Variants in DDIT4L observed in about 807,000 individuals in gnomAD.
DDIT4L encodes the protein DNA damage inducible transcript 4 like.
A neutral mutation model predicts 15.9 loss-of-function variants in DDIT4L; 13 were observed. The ratio of observed to expected loss-of-function variants is 0.82; its 90% CI spans 0.53 to 1.30. The LOEUF is 1.30. Ranked by LOEUF, DDIT4L falls within the 50% of genes most tolerant of loss-of-function variation. The pLI is 0.00. For missense variants in DDIT4L, 235 were observed against 224.8 expected, an observed-to-expected ratio of 1.05 and a Z score of -0.29; for synonymous variants, 82 against 85.4, an observed-to-expected ratio of 0.96 and a Z score of 0.22.
Position 100,189,895 on chromosome 4 carries a change from C to G in DDIT4L, c.89G>C (p.Ser30Thr). ...GGGTGGACAGCGGGGACACTCACCACTTAGCAGGCTCTCTGGGTGATAGCC... is the reference window on the plus strand; with the variant it reads ...GGGTGGACAGCGGGGACACTCACCAGTTAGCAGGCTCTCTGGGTGATAGCC... ...DCGYHPESLL[S>T]DFDYWDYVVP... The change falls in exon 2 of 3, where the codon AGT becomes ACT. Residue 30 changes from serine (S) to threonine (T), a missense_variant and splice_region_variant. Ser to Thr is a moderately conservative substitution (Grantham distance 58). Transcript: ENST00000273990. 6.2e-7 allele frequency: 1 copy of G among 1,614,038 alleles called. No homozygotes were observed. Among genetic ancestry groups the G allele is most frequent in the South Asian group, 1.1e-5 (1 of 91,070 alleles).
rs536645144 is a variant in DDIT4L at position 100,189,043 on chromosome 4, TCTAAGCCTACTCCA to T, written c.91+836_91+849del. On this transcript the variant is annotated intron_variant, in intron 2 of 2. Coordinates refer to ENST00000273990, the MANE Select transcript of DDIT4L (RefSeq NM_145244.4). ...GGCAGATGCCCTCCCAGCTCCTCTC[TCTAAGCCTACTCCA>T]CCTTCATCAGCCACTGGCTTTTCCT... Among the ~76,000 whole-genome samples, 377 of 152,382 alleles carry T rather than the reference TCTAAGCCTACTCCA, an allele frequency of 2.5e-3. 1 individual carries two copies. Among genetic ancestry groups the T allele is most frequent in the Non-Finnish European group, 2.7e-3 (187 of 68,034 alleles).
chr4:100,188,357 T>C (rs192329424), intron 2 of DDIT4L, among the ~76,000 whole-genome samples, 190 bp from the exon 3 acceptor site: 2 of 152,338 alleles, frequency 1.3e-5, no homozygotes, highest in Admixed American at 6.5e-5. Context: ...TAAGCTCTCA[T>C]GAATGAAAGT....
At position 100,188,276 on chromosome 4, in the gene DDIT4L, T is replaced by C. The variant is rs539613273; in HGVS notation, c.92-109A>G. ...ACCTCTATCTACCATGTCTGCCTTT[T>C]TCTTGTATTTGTTTCAGAGTCAGCT... On this transcript the variant is annotated intron_variant, in intron 2 of 2. Coordinates refer to ENST00000273990, the MANE Select transcript of DDIT4L (RefSeq NM_145244.4). 4 of 1,205,068 alleles carry C rather than the reference T, an allele frequency of 3.3e-6. No individual in the cohort carries two copies. In the South Asian group the frequency reaches 4.4e-5, roughly 13 times the overall value. The allele number at this position is 1,205,068 out of a possible 1,614,324, so 74.6% of individuals were successfully genotyped here. A position where few individuals can be genotyped will look rare whatever the true frequency, so the allele number is the denominator to read the frequency against.
intron 2 of DDIT4L, among the ~76,000 whole-genome samples, chr4:100,189,155 A>C (rs1183855096): frequency 1.3e-5 from 2 of 152,218 alleles, no homozygotes; most frequent in African/African-American, 4.8e-5. Flanking sequence ...AAAGGAGAAA[A>C]ACACGAAGAG....
intron 2 of DDIT4L, 90 bp downstream of exon 2, chr4:100,189,803 G>T: frequency 8.3e-7 from 1 of 1,202,368 alleles, no homozygotes; most frequent in Non-Finnish European, 1.2e-6. Flanking sequence ...CTACATAGAG[G>T]TAGGGGAGGA....
At position 100,186,269 on chromosome 4, in the gene DDIT4L, T is replaced by A. The variant is rs1560554701; in HGVS notation, c.*1408A>T. ...GTCACTTATAGTATCAGTAACAGGA[T>A]CACACCTGTTTTTCAGTAACACCAG... On this transcript the variant is annotated 3_prime_UTR_variant, in exon 3 of 3. Transcript: ENST00000273990. The A allele has an allele frequency of 6.6e-6, 1 of 152,190 alleles. No individual in the cohort carries two copies. Among genetic ancestry groups the A allele is most frequent in the Non-Finnish European group, 1.5e-5 (1 of 68,026 alleles). 9.4% of individuals were successfully genotyped at this position (152,190 alleles called of 1,614,324 possible). A position where few individuals can be genotyped will look rare whatever the true frequency, so the allele number is the denominator to read the frequency against.
Position 100,187,596 on chromosome 4 carries a change from G to A in DDIT4L, c.*81C>T. The A allele has an allele frequency of 6.8e-7, 1 of 1,463,748 alleles. No homozygotes were observed. Among genetic ancestry groups the A allele is most frequent in the South Asian group, 1.5e-5 (1 of 68,206 alleles). The allele number at this position is 1,463,748 out of a possible 1,614,324, so 90.7% of individuals were successfully genotyped here. On this transcript the variant is annotated 3_prime_UTR_variant, in exon 3 of 3. Transcript: ENST00000273990. ...GGGTTTCTTATTTAGGGCAGGTGGGGCAAACTACAAATGACTTTAGCTGAC... is the reference window on the plus strand; with the variant it reads ...GGGTTTCTTATTTAGGGCAGGTGGGACAAACTACAAATGACTTTAGCTGAC...
At chr4:100,188,600 A>G (rs1351489196) in intron 2 of DDIT4L, among the ~76,000 whole-genome samples, 2 of 152,202 alleles carry the variant, frequency 1.3e-5, no homozygotes, top group Non-Finnish European at 2.9e-5. Context: ...ATAAAAAGTT[A>G]TAACTTTGTT....
At chr4:100,188,374 A>G (rs1723459097) in intron 2 of DDIT4L, among the ~76,000 whole-genome samples, 3 of 152,248 alleles carry the variant, frequency 2.0e-5, no homozygotes, top group South Asian at 4.1e-4. Flanking sequence ...AAGTTCATGT[A>G]TGAAATAAAG....
In DDIT4L at chr4:100,187,530, G is replaced by T; in HGVS notation, c.*147C>A. 2 of 870,860 alleles carry T rather than the reference G, an allele frequency of 2.3e-6. No homozygotes were observed. Among genetic ancestry groups the T allele is most frequent in the South Asian group, 2.3e-5 (1 of 43,292 alleles). The allele number at this position is 870,860 out of a possible 1,614,324, so 53.9% of individuals were successfully genotyped here. ...GAAAATCAGCCTGTTAGCTGCAGTT[G>T]CTATGAATGTGAAACACAGAAAGAA... On this transcript the variant is annotated 3_prime_UTR_variant, in exon 3 of 3. Transcript: ENST00000273990.
Position 100,188,075 on chromosome 4 carries a change from C to G in DDIT4L, c.184G>C (p.Glu62Gln), listed in dbSNP as rs1444635951. 1 of 1,614,054 alleles carries G rather than the reference C, an allele frequency of 6.2e-7. No homozygotes were observed. Residue 62 changes from glutamate to glutamine, a missense_variant, in exon 3 of 3, where the codon GAG becomes CAG. Glu to Gln is a conservative substitution (Grantham distance 29, BLOSUM62 2). Transcript: ENST00000273990. ...TGCTTTGATTTGGACAGACAGTTCT[C>G]CAGCATTTTAACCAAATTCTGGCAA... ...STCQNLVKMLENCLSKSKQTK... is the reference protein window; with the variant it reads ...STCQNLVKMLQNCLSKSKQTK...
chr4:100,190,208 A>G, intron 1 of DDIT4L, 95 bp downstream of exon 1: 1 of 539,944 alleles, frequency 1.9e-6, no homozygotes, highest in Non-Finnish European at 3.3e-6. Flanking sequence ...CCGCAACCTG[A>G]AACTAACTCA....
At chr4:100,189,371 T>A (rs192403712) in intron 2 of DDIT4L, among the ~76,000 whole-genome samples, 67 of 152,308 alleles carry the variant, frequency 4.4e-4, no homozygotes, top group South Asian at 2.7e-3. Flanking sequence ...ACACACTGAT[T>A]TAAGCAACGG....
In DDIT4L at chr4:100,187,409, T is replaced by A. The variant is rs1723436901; in HGVS notation, c.*268A>T. On this transcript the variant is annotated 3_prime_UTR_variant, in exon 3 of 3. Transcript: ENST00000273990. ...CAAATGTAAAACTCAAATGGGCTTC[T>A]ACTTTTGCTTACCTATTCCATCCCA... The A allele has an allele frequency of 3.3e-6, 1 of 299,168 alleles. No homozygotes were observed. The highest frequency in any genetic ancestry group is 2.2e-5 in the African/African-American group (1 of 45,560). The allele number at this position is 299,168 out of a possible 1,614,324, so 18.5% of individuals were successfully genotyped here. A position where few individuals can be genotyped will look rare whatever the true frequency, so the allele number is the denominator to read the frequency against.
chr4:100,188,680 A>C (rs1165000888), intron 2 of DDIT4L, among the ~76,000 whole-genome samples: 1 of 152,198 alleles, frequency 6.6e-6, no homozygotes, highest in East Asian at 1.9e-4. Flanking sequence ...AATTTTTACT[A>C]TTATGTTTGA....
Position 100,187,784 on chromosome 4 carries a change from G to A in DDIT4L, c.475C>T (p.Arg159Cys), listed in dbSNP as rs751851511. Residue 159 changes from arginine (R) to cysteine (C), a missense_variant, in exon 3 of 3, where the codon CGC becomes TGC. Physicochemically the swap from Arg to Cys is radical, Grantham distance 180. Coordinates refer to ENST00000273990, the MANE Select transcript of DDIT4L (RefSeq NM_145244.4). ...GTTCTCCTGAAACCAGAGGAGAAGC[G>A]ACCTCTACTAAAGAAAAAGTCCCTG... ...SFRDFFFSRG[R>C]FSSGFRRTLI... is the part of the protein sequence containing the mutation. The A allele has an allele frequency of 3.2e-5, 52 of 1,612,772 alleles. No individual in the cohort carries two copies. Among genetic ancestry groups the A allele is most frequent in the Non-Finnish European group, 3.9e-5 (46 of 1,179,792 alleles).
At chr4:100,188,931 A>G (rs1157334915) in intron 2 of DDIT4L, among the ~76,000 whole-genome samples, 1 of 152,248 alleles carries the variant, frequency 6.6e-6, no homozygotes, top group Non-Finnish European at 1.5e-5. Context: ...GAAAAGAGAT[A>G]GCTCTGCATT....
Position 100,189,926 on chromosome 4 carries a change from C to A in DDIT4L, c.58G>T (p.Asp20Tyr). The A allele has an allele frequency of 6.2e-7, 1 of 1,614,128 alleles. No homozygotes were observed. Residue 20 changes from aspartate to tyrosine, a missense_variant, in exon 2 of 3, where the codon GAC becomes TAC. By Grantham distance (160) the Asp-to-Tyr change is radical. Coordinates refer to ENST00000273990, the MANE Select transcript of DDIT4L (RefSeq NM_145244.4). ...AGGCTCTCTGGGTGATAGCCACAGT[C>A]CAGCAATTCTGAAATGCTGGCCGGG... The part of the protein sequence containing the change: ...KNPASISELL[D>Y]CGYHPESLLS...
At position 100,186,267 on chromosome 4, in the gene DDIT4L, G is replaced by A. The variant is rs927913840; in HGVS notation, c.*1410C>T. 2.0e-5 allele frequency: 3 copies of A among 152,134 alleles called. No homozygotes were observed. Among genetic ancestry groups the A allele is most frequent in the African/African-American group, 7.2e-5 (3 of 41,436 alleles). The allele number at this position is 152,134 out of a possible 1,614,324, so 9.4% of individuals were successfully genotyped here. A position where few individuals can be genotyped will look rare whatever the true frequency, so the allele number is the denominator to read the frequency against. ...AGGTCACTTATAGTATCAGTAACAGGATCACACCTGTTTTTCAGTAACACC... is the reference window on the plus strand; with the variant it reads ...AGGTCACTTATAGTATCAGTAACAGAATCACACCTGTTTTTCAGTAACACC... On this transcript the variant is annotated 3_prime_UTR_variant, in exon 3 of 3. Transcript: ENST00000273990.
Sources: gnomAD v4.1 joint callset for allele counts (sites outside exome capture counted in the v4.1 genomes callset) on GRCh38, gnomAD v4.1.1 for gene constraint, MANE v1.5 for transcripts, NCBI Gene and HGNC (gene_info 2026-07-23, HGNC 2026-07-21) for gene names.